Variants in LY96 observed in about 807,000 individuals in gnomAD.
LY96 encodes the protein myeloid differentiation protein-2.
A neutral mutation model predicts 18.9 loss-of-function variants in LY96; 18 were observed. The ratio of observed to expected loss-of-function variants is 0.95; its 90% CI spans 0.66 to 1.41. The LOEUF is 1.41. Among genes scored for constraint, LY96 ranks in the 40% most tolerant of loss-of-function variants. The probability of loss-of-function intolerance (pLI) is 0.00; values close to 1 mark genes in which losing one functional copy is unlikely to be tolerated. For synonymous variants in LY96, 66 were observed against 62.6 expected (o/e 1.06, Z -0.26); for missense variants, 175 against 182.4 (o/e 0.96, Z 0.23).
chr8:74,026,820 CA>C lies in LY96; in HGVS notation c.365del (p.Lys122ArgfsTer3). On this transcript the variant is annotated frameshift_variant, in exon 4 of 5. Transcript: ENST00000284818. LOFTEE classifies it low-confidence loss of function (END_TRUNC). ...TGAATACAACAATATCATTCTCCTT[CA>C]AGGGAATAAAATTTTCTAAGGTATT... The part of the protein sequence containing the change: ...TVNTTISFSF[K>X]GIKFSKGKYK... 1 of 1,531,142 alleles carries C rather than the reference CA, an allele frequency of 6.5e-7. No individual in the cohort carries two copies. The allele number at this position is 1,531,142 out of a possible 1,614,324, so 94.8% of individuals were successfully genotyped here. A position where few individuals can be genotyped will look rare whatever the true frequency, so the allele number is the denominator to read the frequency against.
At chr8:74,088,151 A>AATAGAATAGAATAGAATAGAAT in the LY96 span, among the ~76,000 whole-genome samples, 1 of 151,192 alleles carries the variant, frequency 6.6e-6, no homozygotes, top group African/African-American at 2.5e-5. Flanking sequence ...AATAGAATAG[A>AATAGAATAGAATAGAATAGAAT]AAAGAATAGA....
At chr8:74,001,165 C>G (rs1563710076) in intron 1 of LY96, among the ~76,000 whole-genome samples, 2 of 151,842 alleles carry the variant, frequency 1.3e-5, no homozygotes, top group Non-Finnish European at 2.9e-5. Context: ...AACAACTCTA[C>G]ACTTTAGGAG....
chr8:74,037,440 G>A, the LY96 span, among the ~76,000 whole-genome samples: 1 of 151,954 alleles, frequency 6.6e-6, no homozygotes, highest in Admixed American at 6.6e-5. Flanking sequence ...ACCAGCCTGA[G>A]CAACACTGTG....
the LY96 span, among the ~76,000 whole-genome samples, chr8:74,036,505 C>A: frequency 4.5e-4 from 69 of 152,286 alleles, no homozygotes; most frequent in African/African-American, 1.6e-3. Context: ...TGACCCCACC[C>A]AGATTCATGA....
At chr8:74,065,720 A>G in the LY96 span, among the ~76,000 whole-genome samples, 1 of 152,248 alleles carries the variant, frequency 6.6e-6, no homozygotes, top group Non-Finnish European at 1.5e-5. Context: ...ATAAAGACAG[A>G]GTGTATATAA....
the LY96 span, among the ~76,000 whole-genome samples, chr8:74,040,468 G>C: frequency 6.6e-6 from 1 of 152,018 alleles, no homozygotes; most frequent in Non-Finnish European, 1.5e-5. Context: ...CATAGTTTGA[G>C]GTCTTAGATT....
At chr8:74,052,516 G>A in the LY96 span, 2 of 152,264 alleles carry the variant, frequency 1.3e-5, no homozygotes, top group Admixed American at 6.5e-5. Flanking sequence ...TTAAGGCTCA[G>A]ATATTGTAGG....
intron 3 of LY96, among the ~76,000 whole-genome samples, chr8:74,025,919 A>T (rs1816862700): frequency 6.6e-6 from 1 of 152,016 alleles, no homozygotes; most frequent in African/African-American, 2.4e-5. Flanking sequence ...GAGGCAGGAG[A>T]ATCTCTTGAA....
the LY96 span, chr8:74,052,243 A>G: frequency 6.6e-6 from 1 of 152,232 alleles, no homozygotes; most frequent in African/African-American, 2.4e-5. Flanking sequence ...TGGGAGTGCT[A>G]GACAACAGGG....
the LY96 span, among the ~76,000 whole-genome samples, chr8:74,034,605 T>C: frequency 5.3e-5 from 8 of 152,316 alleles, no homozygotes; most frequent in African/African-American, 1.9e-4. Flanking sequence ...AATACTCTTT[T>C]GATTTTCAAA....
At chr8:73,995,578 G>C (rs7822407) in intron 1 of LY96, among the ~76,000 whole-genome samples, 1 of 152,018 alleles carries the variant, frequency 6.6e-6, no homozygotes, top group Admixed American at 6.6e-5. Flanking sequence ...CATTTCTGTC[G>C]GTCCATAACA....
At position 74,000,274 on chromosome 8, in the gene LY96, G is replaced by C. The variant is rs112390569; in HGVS notation, c.113-4522G>C. Among the ~76,000 whole-genome samples, 323 of 88,796 alleles carry C rather than the reference G, an allele frequency of 3.6e-3. 1 individual carries two copies. Among genetic ancestry groups the C allele is most frequent in the African/African-American group, 9.0e-3 (271 of 29,984 alleles). 58.3% of individuals were successfully genotyped at this position (88,796 alleles called of 152,430 possible). ...TCCTGCTTATCTATTTCTTCTACCA[G>C]ATAGAGTAGATCCTTGCTCTTAAGT... is the stretch of plus-strand genomic sequence containing the variant. On this transcript the variant is annotated intron_variant, in intron 1 of 4. Transcript: ENST00000284818.
At chr8:74,004,360 G>A (rs1030523057) in intron 1 of LY96, among the ~76,000 whole-genome samples, 1 of 152,166 alleles carries the variant, frequency 6.6e-6, no homozygotes, top group African/African-American at 2.4e-5. Context: ...AAAAGTTGGT[G>A]TTCTGGACAT....
At chr8:74,023,599 C>T (rs1816812239) in intron 3 of LY96, among the ~76,000 whole-genome samples, 1 of 152,084 alleles carries the variant, frequency 6.6e-6, no homozygotes, top group African/African-American at 2.4e-5. Context: ...GGTGTTTCTG[C>T]ACTCACCTAT....
chr8:74,096,556 C>T, the LY96 span, among the ~76,000 whole-genome samples: 3 of 152,190 alleles, frequency 2.0e-5, no homozygotes, highest in Admixed American at 6.5e-5. Context: ...CAACCCTCTC[C>T]CTCCAGCCCT....
At chr8:74,029,630 G>T (rs373090194), downstream of LY96, among the ~76,000 whole-genome samples, 12 of 152,272 alleles carry the variant, frequency 7.9e-5, no homozygotes, top group African/African-American at 2.9e-4. Flanking sequence ...CAGCCCTGCA[G>T]AGCCGTGAGT....
the LY96 span, among the ~76,000 whole-genome samples, chr8:74,060,934 T>C: frequency 6.6e-6 from 1 of 152,250 alleles, no homozygotes; most frequent in African/African-American, 2.4e-5. Flanking sequence ...CTATCAAAAA[T>C]ACCATCCCTA....
At chr8:74,032,325 G>T (rs542892716), downstream of LY96, among the ~76,000 whole-genome samples, 9 of 152,326 alleles carry the variant, frequency 5.9e-5, no homozygotes, top group South Asian at 1.4e-3. Flanking sequence ...AAAGGAAGAA[G>T]AAGTAAAAAC....
chr8:74,050,655 G>T, the LY96 span, among the ~76,000 whole-genome samples: 1 of 152,186 alleles, frequency 6.6e-6, no homozygotes, highest in South Asian at 2.1e-4. Flanking sequence ...CTAATTAAAT[G>T]AAATTATAGC....
Sources: allele counts gnomAD v4.1 joint callset (sites outside exome capture counted in the v4.1 genomes callset), GRCh38; gene constraint gnomAD v4.1.1; transcripts MANE v1.5; gene names NCBI Gene and HGNC (gene_info 2026-07-23, HGNC 2026-07-21).